TRIT1: variants seen among roughly 807,000 people sequenced by gnomAD.
TRIT1 encodes the protein tRNA dimethylallyltransferase.
A neutral mutation model predicts 51.2 loss-of-function variants in TRIT1; 43 were observed. The observed-to-expected ratio is 0.84, with a 90% CI of 0.66 to 1.08. TRIT1 has a LOEUF of 1.08. Among genes scored for constraint, TRIT1 ranks in the 50% least tolerant of loss-of-function variants. The pLI is 0.00. For missense variants in TRIT1, 528 were observed against 578.4 expected (o/e 0.91, Z 0.89); for synonymous variants, 184 against 203.9 (o/e 0.90, Z 0.83).
intron 1 of TRIT1, among the ~76,000 whole-genome samples, chr1:39,875,275 G>C (rs1201200455): frequency 6.6e-6 from 1 of 151,974 alleles, no homozygotes; most frequent in Non-Finnish European, 1.5e-5. Context: ...AGATCACGAG[G>C]TCAGGAGTTC....
Position 39,883,477 on chromosome 1 carries a change from C to A in TRIT1, c.15G>T (p.Ala5=). The A allele has an allele frequency of 6.3e-7, 1 of 1,595,530 alleles. No individual in the cohort carries two copies. The highest frequency in any genetic ancestry group is 1.1e-5 in the South Asian group (1 of 90,608). MASV[A]AARAVPVGSG... is the part of the protein sequence containing the mutation. ...TGCCCACGGGAACTGCTCGTGCAGCCGCCACGGACGCCATCTTATGGCAGT... is the reference window on the plus strand; with the variant it reads ...TGCCCACGGGAACTGCTCGTGCAGCAGCCACGGACGCCATCTTATGGCAGT... The change falls in exon 1 of 11, where the codon GCG becomes GCT. Residue 5 remains alanine, a synonymous_variant. Coordinates refer to ENST00000316891, the MANE Select transcript of TRIT1 (RefSeq NM_017646.6).
In TRIT1 at chr1:39,847,409, A is replaced by T; in HGVS notation, c.929-112T>A. 5 of 1,428,988 alleles carry T rather than the reference A, an allele frequency of 3.5e-6. No individual in the cohort carries two copies. In the Admixed American group the frequency reaches 5.3e-5, roughly 15 times the overall value. 88.5% of individuals were successfully genotyped at this position (1,428,988 alleles called of 1,614,324 possible). A position where few individuals can be genotyped will look rare whatever the true frequency, so the allele number is the denominator to read the frequency against. ...GTCAGCCACGGCAGTGCAATGTCAG[A>T]CTTGGTGGACAAAAATCTCAGTTCT... On this transcript the variant is annotated intron_variant, in intron 7 of 10. Transcript: ENST00000316891.
Position 39,866,084 on chromosome 1 carries a change from GGAAA to G in TRIT1, c.175-8671_175-8668del, listed in dbSNP as rs1267346840. Among the ~76,000 whole-genome samples the G allele has an allele frequency of 7.1e-5, 8 of 112,748 alleles. No individual in the cohort carries two copies. The East Asian group carries it at 1.6e-3, about 23-fold the overall frequency. 74.0% of individuals were successfully genotyped at this position (112,748 alleles called of 152,430 possible). ...AAGAGGGAGAGAGGGAGGGAGGGAAGGAAAGAAGAAAGGAAGGAAGGAAGGAAGG... is the reference window on the plus strand; with the variant it reads ...AAGAGGGAGAGAGGGAGGGAGGGAAGGAAGAAAGGAAGGAAGGAAGGAAGG... On this transcript the variant is annotated intron_variant, in intron 1 of 10. Transcript: ENST00000316891.
At chr1:39,852,071 T>G (rs1642610719) in intron 4 of TRIT1, among the ~76,000 whole-genome samples, 1 of 152,158 alleles carries the variant, frequency 6.6e-6, no homozygotes, top group African/African-American at 2.4e-5. Context: ...GTGGAATACT[T>G]CACAACCCCT....
intron 1 of TRIT1, among the ~76,000 whole-genome samples, chr1:39,875,688 C>A (rs1210909673): frequency 4.6e-5 from 7 of 152,050 alleles, no homozygotes; most frequent in Admixed American, 4.6e-4. Context: ...TAACTTTGCC[C>A]ATACTGTTCT....
At chr1:39,858,081 C>T (rs1300585973) in intron 1 of TRIT1, among the ~76,000 whole-genome samples, 1 of 152,150 alleles carries the variant, frequency 6.6e-6, no homozygotes, top group Non-Finnish European at 1.5e-5. Context: ...CTAAAAAGTT[C>T]AAGTGTACTT....
chr1:39,869,997 C>T (rs976150792), intron 1 of TRIT1, among the ~76,000 whole-genome samples: 1 of 152,232 alleles, frequency 6.6e-6, no homozygotes, highest in African/African-American at 2.4e-5. Context: ...GGCCGCCACC[C>T]CGTCTGGGAG....
At chr1:39,874,777 T>C (rs1221812814) in intron 1 of TRIT1, among the ~76,000 whole-genome samples, 1 of 152,074 alleles carries the variant, frequency 6.6e-6, no homozygotes, top group Non-Finnish European at 1.5e-5. Flanking sequence ...GTGATTCTCC[T>C]GCCTTAGTCT....
At chr1:39,852,523 TA>T in intron 4 of TRIT1, 1 of 620,672 alleles carries the variant, frequency 1.6e-6, no homozygotes. Flanking sequence ...ACTATGCATT[TA>T]AAATGTAACA....
At position 39,841,767 on chromosome 1, in the gene TRIT1, G is replaced by C. The variant is rs768054657; in HGVS notation, c.1381C>G (p.Gln461Glu). The C allele has an allele frequency of 2.5e-6, 4 of 1,612,316 alleles. No homozygotes were observed. The highest frequency in any genetic ancestry group is 2.5e-6 in the Non-Finnish European group (3 of 1,179,544). ...TCTTAAACGCTGCATTTCAGCTCTTGATCATTCTGCCCTGGGGATCCCTTC... is the reference window on the plus strand; with the variant it reads ...TCTTAAACGCTGCATTTCAGCTCTTCATCATTCTGCCCTGGGGATCCCTTC... Reference protein sequence around the residue: ...KEKGSPGQNDQELKCSV With the variant: ...KEKGSPGQNDEELKCSV Residue 461 changes from glutamine to glutamate, a missense_variant, in exon 11 of 11, where the codon CAA becomes GAA. Gln to Glu is a conservative substitution (Grantham distance 29). Coordinates refer to ENST00000316891, the MANE Select transcript of TRIT1 (RefSeq NM_017646.6).
chr1:39,872,920 CTGA>C (rs1211411292), intron 1 of TRIT1, among the ~76,000 whole-genome samples: 3 of 150,872 alleles, frequency 2.0e-5, no homozygotes, highest in East Asian at 3.8e-4. Context: ...AAGAAAGACT[CTGA>C]TGAATGCTAA....
At chr1:39,851,600 A>G (rs1209615122) in intron 4 of TRIT1, among the ~76,000 whole-genome samples, 1 of 152,012 alleles carries the variant, frequency 6.6e-6, no homozygotes, top group African/African-American at 2.4e-5. Context: ...TAGATATTAC[A>G]ATTTGTGCCC....
chr1:39,846,324 G>GCC (rs1642221078), intron 8 of TRIT1, among the ~76,000 whole-genome samples: 1 of 152,214 alleles, frequency 6.6e-6, no homozygotes, highest in Non-Finnish European at 1.5e-5. Flanking sequence ...GTAATTGAGA[G>GCC]CAGAAGTCTA....
intron 2 of TRIT1, among the ~76,000 whole-genome samples, chr1:39,856,289 G>C (rs886467158): frequency 6.6e-6 from 1 of 151,972 alleles, no homozygotes; most frequent in South Asian, 2.1e-4. Flanking sequence ...CTGGGTGACA[G>C]AGCAAGACTC....
intron 5 of TRIT1, among the ~76,000 whole-genome samples, chr1:39,849,916 TC>T (rs1642459832): frequency 6.6e-6 from 1 of 152,234 alleles, no homozygotes; most frequent in Admixed American, 6.5e-5. Context: ...GCCAGGGCTA[TC>T]CTTTCTCCCT....
At chr1:39,880,191 A>AACG (rs1644209995) in intron 1 of TRIT1, among the ~76,000 whole-genome samples, 1 of 149,678 alleles carries the variant, frequency 6.7e-6, no homozygotes, top group Non-Finnish European at 1.5e-5. Flanking sequence ...CAACAACAAC[A>AACG]ACAAAAACAA....
chr1:39,848,327 T>C (rs1255321786), intron 5 of TRIT1, among the ~76,000 whole-genome samples: 1 of 152,132 alleles, frequency 6.6e-6, no homozygotes, highest in Admixed American at 6.6e-5. Flanking sequence ...CCTCATTATA[T>C]AGAGAAAGCA....
At position 39,840,943 on chromosome 1, in the gene TRIT1, G is replaced by C. The variant is rs929615119; in HGVS notation, c.*801C>G. Reference sequence around the variant, plus strand: ...CGCTACATAAATGAACAGACAGCATGATCTACAAAAAGTGTCAAATTTGAG... The same window carrying C: ...CGCTACATAAATGAACAGACAGCATCATCTACAAAAAGTGTCAAATTTGAG... On this transcript the variant is annotated 3_prime_UTR_variant, in exon 11 of 11. Transcript: ENST00000316891. The C allele has an allele frequency of 6.6e-6, 1 of 152,168 alleles. No individual in the cohort carries two copies. Among genetic ancestry groups the C allele is most frequent in the Non-Finnish European group, 1.5e-5 (1 of 68,028 alleles). 9.4% of individuals were successfully genotyped at this position (152,168 alleles called of 1,614,324 possible).
chr1:39,870,884 C>T (rs1643858350), intron 1 of TRIT1, among the ~76,000 whole-genome samples: 1 of 152,100 alleles, frequency 6.6e-6, no homozygotes, highest in African/African-American at 2.4e-5. Flanking sequence ...AAACCAGAAA[C>T]CCAGATGTCC....
Sources: gnomAD v4.1 joint callset for allele counts (sites outside exome capture counted in the v4.1 genomes callset) on GRCh38, gnomAD v4.1.1 for gene constraint, MANE v1.5 for transcripts, NCBI Gene and HGNC (gene_info 2026-07-23, HGNC 2026-07-21) for gene names.